KCNAB2: variants seen among roughly 807,000 people sequenced by gnomAD.
The protein encoded by KCNAB2 is potassium voltage-gated channel subfamily A regulatory beta subunit 2.
A neutral mutation model predicts 63.6 loss-of-function variants in KCNAB2; 29 were observed. The ratio of observed to expected loss-of-function variants is 0.46; its 90% CI spans 0.34 to 0.62. The LOEUF is 0.62. Among genes scored for constraint, KCNAB2 ranks in the 20% least tolerant of loss-of-function variants. The pLI is 0.01. For synonymous variants in KCNAB2, 222 were observed against 224.2 expected (o/e 0.99, Z 0.09); for missense variants, 359 against 563.9 (o/e 0.64, Z 3.68).
chr1:6,005,891 C>T (rs998320484), intron 1 of KCNAB2, among the ~76,000 whole-genome samples: 31 of 148,742 alleles, frequency 2.1e-4, no homozygotes, highest in Admixed American at 2.8e-4. Context: ...CTGATCCATT[C>T]CACCCTCACC....
At chr1:6,016,171 C>T (rs1248556801) in intron 1 of KCNAB2, among the ~76,000 whole-genome samples, 2 of 152,226 alleles carry the variant, frequency 1.3e-5, no homozygotes, top group Non-Finnish European at 2.9e-5. Context: ...TGCCTGCTGC[C>T]TGCTGACAGC....
intron 2 of KCNAB2, among the ~76,000 whole-genome samples, chr1:6,072,509 C>A (rs1663290534): frequency 6.6e-6 from 1 of 152,208 alleles, no homozygotes; most frequent in Non-Finnish European, 1.5e-5. Flanking sequence ...GACCACTCTG[C>A]AGACCCCCAC....
At chr1:6,085,005 C>T (rs1269900623) in intron 5 of KCNAB2, among the ~76,000 whole-genome samples, 199 bp from the exon 6 acceptor site, 3 of 152,152 alleles carry the variant, frequency 2.0e-5, no homozygotes, top group Admixed American at 6.5e-5. Context: ...TAGTGGGGGG[C>T]AATAACACAG....
At chr1:6,009,691 C>T (rs548518151) in intron 1 of KCNAB2, among the ~76,000 whole-genome samples, 2 of 152,294 alleles carry the variant, frequency 1.3e-5, no homozygotes, top group East Asian at 1.9e-4. Context: ...AACACGCCTT[C>T]GAGGAGTTGG....
At chr1:6,066,355 C>T (rs953073569) in intron 2 of KCNAB2, among the ~76,000 whole-genome samples, 16 of 152,190 alleles carry the variant, frequency 1.1e-4, no homozygotes, top group African/African-American at 7.2e-5. Flanking sequence ...CTTTCGAGAG[C>T]GCATAAAATC....
At chr1:6,051,163 G>A (rs894270085) in intron 1 of KCNAB2, among the ~76,000 whole-genome samples, 3 of 152,174 alleles carry the variant, frequency 2.0e-5, no homozygotes, top group Non-Finnish European at 4.4e-5. Flanking sequence ...TCAGCATTTG[G>A]GGGGCTCAGG....
chr1:6,097,018 G>A (rs929756238), intron 14 of KCNAB2, among the ~76,000 whole-genome samples: 1 of 152,180 alleles, frequency 6.6e-6, no homozygotes, highest in African/African-American at 2.4e-5. Context: ...TGGGGCTCCC[G>A]CTTTCATGGG....
At position 6,078,239 on chromosome 1, in the gene KCNAB2, G is replaced by A. The variant is rs986027788; in HGVS notation, c.301-3956G>A. On this transcript the variant is annotated intron_variant, in intron 4 of 15. Coordinates refer to ENST00000378083, the MANE Select transcript of KCNAB2 (RefSeq NM_001199862.2). This position sits in a 1 kb window ranked among gnomAD's most constrained non-coding sequence, Gnocchi z 4.2. Reference sequence around the variant, plus strand: ...TGTCAGTCAAGTCTCCGTCTGTCTCGTCCTCATAAGGTCACCTGTGATGGC... The same window carrying A: ...TGTCAGTCAAGTCTCCGTCTGTCTCATCCTCATAAGGTCACCTGTGATGGC... Among the ~76,000 whole-genome samples the A allele has an allele frequency of 8.5e-5, 13 of 152,112 alleles. No homozygotes were observed. Among genetic ancestry groups the A allele is most frequent in the Admixed American group, 2.0e-4 (3 of 15,274 alleles).
At chr1:6,088,926 C>G (rs1468598912) in intron 7 of KCNAB2, 82 bp from the exon 8 acceptor site, 7 of 1,328,198 alleles carry the variant, frequency 5.3e-6, no homozygotes, top group African/African-American at 1.5e-5. Context: ...TTGCGTCTAA[C>G]ATTGCATCGT....
intron 1 of KCNAB2, among the ~76,000 whole-genome samples, chr1:5,992,998 C>T (rs1201963706): frequency 6.6e-6 from 1 of 152,116 alleles, no homozygotes; most frequent in South Asian, 2.1e-4. Context: ...TTCCCCCATC[C>T]CTTTCTGTCT....
intron 4 of KCNAB2, among the ~76,000 whole-genome samples, chr1:6,075,036 G>A (rs1446144831): frequency 6.6e-6 from 1 of 152,096 alleles, no homozygotes; most frequent in Admixed American, 6.6e-5. Flanking sequence ...CTATCTCAGG[G>A]TGAAGTCTGG....
intron 1 of KCNAB2, among the ~76,000 whole-genome samples, chr1:6,048,143 A>T (rs1192328117): frequency 6.6e-6 from 1 of 152,120 alleles, no homozygotes; most frequent in East Asian, 1.9e-4. Flanking sequence ...GCGATTATTC[A>T]CATCTGTGTT....
intron 1 of KCNAB2, among the ~76,000 whole-genome samples, chr1:6,004,881 C>T (rs1465312496): frequency 6.7e-6 from 1 of 148,846 alleles, no homozygotes; most frequent in African/African-American, 2.5e-5. Context: ...TCTTCCTCAT[C>T]AGACAGTTCC....
At chr1:6,050,183 C>G (rs376230752) in intron 1 of KCNAB2, among the ~76,000 whole-genome samples, 8 of 152,340 alleles carry the variant, frequency 5.3e-5, no homozygotes, top group African/African-American at 1.9e-4. Context: ...CTTTTCCTCT[C>G]TTGGGGCAGA....
intron 1 of KCNAB2, among the ~76,000 whole-genome samples, chr1:6,039,029 A>C (rs1482432456): frequency 6.6e-6 from 1 of 150,764 alleles, no homozygotes; most frequent in Non-Finnish European, 1.5e-5. Flanking sequence ...CCTGGAACAC[A>C]CCCCCCCCAG....
chr1:6,000,110 C>T (rs978232666), intron 1 of KCNAB2, among the ~76,000 whole-genome samples: 31 of 152,160 alleles, frequency 2.0e-4, no homozygotes, highest in South Asian at 8.3e-4. Context: ...GCCCTCTGCA[C>T]GCCCTACCTG....
At chr1:6,077,600 G>A (rs1186913994) in intron 4 of KCNAB2, among the ~76,000 whole-genome samples, 1 of 152,210 alleles carries the variant, frequency 6.6e-6, no homozygotes, top group African/African-American at 2.4e-5. Flanking sequence ...GTGATTGGCC[G>A]GGCTTTCCTC....
rs1239373166 is a variant in KCNAB2, at chr1:6,073,612, G to A, written c.263-121G>A. On this transcript the variant is annotated intron_variant, in intron 3 of 15. Coordinates refer to ENST00000378083, the MANE Select transcript of KCNAB2 (RefSeq NM_001199862.2). This position sits in a 1 kb window ranked among gnomAD's most constrained non-coding sequence, Gnocchi z 5.7. ...ACACACTAAGGACACCCTGGCCACA[G>A]AGCAGCACAGAGGGACACCTGTGGC... 1 of 878,432 alleles carries A rather than the reference G, an allele frequency of 1.1e-6. No individual in the cohort carries two copies. The highest frequency in any genetic ancestry group is 1.6e-5 in the African/African-American group (1 of 60,974). The allele number at this position is 878,432 out of a possible 1,614,324, so 54.4% of individuals were successfully genotyped here. A position where few individuals can be genotyped will look rare whatever the true frequency, so the allele number is the denominator to read the frequency against.
intron 2 of KCNAB2, among the ~76,000 whole-genome samples, chr1:6,056,675 A>G (rs956443676): frequency 1.3e-5 from 2 of 152,004 alleles, no homozygotes; most frequent in African/African-American, 4.8e-5. Context: ...CTTGGTTTCA[A>G]CTCGGACCCC....
Sources: allele counts gnomAD v4.1 joint callset (sites outside exome capture counted in the v4.1 genomes callset), GRCh38; gene constraint gnomAD v4.1.1; non-coding constraint Gnocchi (gnomAD v3.1); transcripts MANE v1.5; gene names NCBI Gene and HGNC (gene_info 2026-07-23, HGNC 2026-07-21).